GALNTL6: variants seen among roughly 807,000 people sequenced by gnomAD.
GALNTL6 encodes polypeptide N-acetylgalactosaminyltransferase-like 6.
A neutral mutation model predicts 73.7 loss-of-function variants in GALNTL6; 46 were observed. That is an observed-to-expected ratio of 0.62 (90% CI 0.49 to 0.80). The LOEUF (loss-of-function observed/expected upper bound fraction) is 0.80. Ranked by LOEUF, GALNTL6 falls within the 30% of genes least tolerant of loss-of-function variation. The pLI, the probability that GALNTL6 is intolerant of heterozygous loss-of-function variation, is 0.00. For synonymous variants in GALNTL6, 259 were observed against 263.7 expected (o/e 0.98, Z 0.17); for missense variants, 604 against 755.0 (o/e 0.80, Z 2.34).
intron 2 of GALNTL6, among the ~76,000 whole-genome samples, chr4:172,114,300 G>T (rs1171181098): frequency 1.3e-5 from 2 of 151,964 alleles, no homozygotes; most frequent in East Asian, 3.9e-4. Context: ...AAGTAGTTAT[G>T]GTCAGGGCTC....
chr4:172,788,723 A>G (rs927695997), intron 5 of GALNTL6, among the ~76,000 whole-genome samples: 9 of 151,204 alleles, frequency 6.0e-5, no homozygotes, highest in Non-Finnish European at 8.8e-5. Flanking sequence ...ATACATACTT[A>G]CAAGGAGAGA....
At chr4:171,987,091 A>AT (rs1740120267) in intron 2 of GALNTL6, among the ~76,000 whole-genome samples, 3 of 152,192 alleles carry the variant, frequency 2.0e-5, no homozygotes, top group African/African-American at 7.2e-5. Context: ...CTGGGGCCTA[A>AT]TAAAAAGGAG....
At chr4:172,521,590 G>C (rs987027714) in intron 5 of GALNTL6, among the ~76,000 whole-genome samples, 6 of 152,062 alleles carry the variant, frequency 3.9e-5, no homozygotes, top group African/African-American at 1.2e-4. Context: ...TCCAGGAATG[G>C]GCAAGACAAT....
chr4:171,853,110 G>A (rs1735570129), intron 2 of GALNTL6, among the ~76,000 whole-genome samples: 3 of 144,650 alleles, frequency 2.1e-5, no homozygotes, highest in South Asian at 2.2e-4. Flanking sequence ...TGATCCGCCC[G>A]CTTCAGCCTC....
At chr4:172,852,023 G>A (rs1454120610) in intron 7 of GALNTL6, among the ~76,000 whole-genome samples, 1 of 152,090 alleles carries the variant, frequency 6.6e-6, no homozygotes, top group African/African-American at 2.4e-5. Context: ...TCAGGTTCAG[G>A]GAATACTCTA....
intron 5 of GALNTL6, among the ~76,000 whole-genome samples, chr4:172,608,379 A>C (rs1345772574): frequency 6.6e-6 from 1 of 152,158 alleles, no homozygotes; most frequent in African/African-American, 2.4e-5. Flanking sequence ...TCATTTATTG[A>C]ATAGAGAATT....
chr4:171,985,898 C>CG (rs779861269), intron 2 of GALNTL6, among the ~76,000 whole-genome samples: 134 of 151,766 alleles, frequency 8.8e-4, no homozygotes, highest in Non-Finnish European at 1.8e-3. Flanking sequence ...ATTAGCCGGG[C>CG]GTGGTAGCAC....
chr4:172,497,491 A>G (rs1057116955), intron 5 of GALNTL6, among the ~76,000 whole-genome samples: 7 of 152,326 alleles, frequency 4.6e-5, no homozygotes, highest in Non-Finnish European at 8.8e-5. Flanking sequence ...CCTCTAATAC[A>G]TCATTTAATC....
At chr4:172,761,576 G>A (rs1246737762) in intron 5 of GALNTL6, among the ~76,000 whole-genome samples, 1 of 152,072 alleles carries the variant, frequency 6.6e-6, no homozygotes, top group African/African-American at 2.4e-5. Flanking sequence ...TGGATTATGG[G>A]GATGGATTTT....
intron 5 of GALNTL6, among the ~76,000 whole-genome samples, chr4:172,572,200 G>A (rs1736787972): frequency 6.6e-6 from 1 of 152,092 alleles, no homozygotes; most frequent in African/African-American, 2.4e-5. Context: ...TGCAGTCACA[G>A]TTCTGTCCAC....
intron 2 of GALNTL6, among the ~76,000 whole-genome samples, chr4:171,920,344 A>G (rs574548612): frequency 6.6e-6 from 1 of 152,188 alleles, no homozygotes; most frequent in East Asian, 1.9e-4. Context: ...ACAAACCTGC[A>G]TGTTGTGCAC....
chr4:172,470,339 AACTT>A (rs1417558514), intron 5 of GALNTL6, among the ~76,000 whole-genome samples: 2 of 152,168 alleles, frequency 1.3e-5, no homozygotes, highest in Non-Finnish European at 2.9e-5. Context: ...ACCTAGAAAA[AACTT>A]AATTAATAGG....
intron 2 of GALNTL6, among the ~76,000 whole-genome samples, chr4:172,112,699 T>A (rs1312829071): frequency 1.3e-5 from 2 of 152,006 alleles, no homozygotes; most frequent in Non-Finnish European, 2.9e-5. Flanking sequence ...AATCCATTTG[T>A]TGAAATTCTA....
rs546719355 is a variant in GALNTL6 at position 172,552,734 on chromosome 4, G to GTTT, written c.553+204055_553+204057dup. Among the ~76,000 whole-genome samples, 5 of 128,148 alleles carry GTTT rather than the reference G, an allele frequency of 3.9e-5. No individual in the cohort carries two copies. In the Admixed American group the frequency reaches 4.4e-4, roughly 11 times the overall value. The allele number at this position is 128,148 out of a possible 152,430, so 84.1% of individuals were successfully genotyped here. On this transcript the variant is annotated intron_variant, in intron 5 of 12. Transcript: ENST00000506823. ...AATCTTAAAAGTCAATGTTAAAAGC[G>GTTT]TTTTTTTTTTTTAATTCTATATTGC...
At chr4:172,812,770 T>G (rs1473956336) in intron 6 of GALNTL6, among the ~76,000 whole-genome samples, 3 of 152,214 alleles carry the variant, frequency 2.0e-5, no homozygotes, top group Non-Finnish European at 2.9e-5. Flanking sequence ...AATCTTACCT[T>G]TCTCGTACAT....
At chr4:172,770,424 A>G (rs1240748147) in intron 5 of GALNTL6, among the ~76,000 whole-genome samples, 1 of 152,164 alleles carries the variant, frequency 6.6e-6, no homozygotes, top group African/African-American at 2.4e-5. Flanking sequence ...AATCAACAAT[A>G]GCAAAAAAGT....
At chr4:172,278,970 G>A (rs1738935522) in intron 3 of GALNTL6, among the ~76,000 whole-genome samples, 1 of 152,070 alleles carries the variant, frequency 6.6e-6, no homozygotes, top group Non-Finnish European at 1.5e-5. Context: ...GTGGGGAAAA[G>A]GACAGTCTTT....
intron 7 of GALNTL6, among the ~76,000 whole-genome samples, chr4:172,855,208 A>AG (rs1208588430): frequency 6.6e-6 from 1 of 151,484 alleles, no homozygotes; most frequent in Non-Finnish European, 1.5e-5. Context: ...AAAAAAAAAA[A>AG]AAAGAAACAC....
At chr4:171,960,579 C>CA (rs2111046332) in intron 2 of GALNTL6, among the ~76,000 whole-genome samples, 1 of 151,474 alleles carries the variant, frequency 6.6e-6, no homozygotes, top group East Asian at 1.9e-4. Flanking sequence ...CACGCCCTGC[C>CA]AGGATAGCTT....
Sources: gnomAD v4.1 joint callset for allele counts (sites outside exome capture counted in the v4.1 genomes callset) on GRCh38, gnomAD v4.1.1 for gene constraint, MANE v1.5 for transcripts, NCBI Gene and HGNC (gene_info 2026-07-23, HGNC 2026-07-21) for gene names.